Variants in PHLDB3 observed in about 807,000 individuals in gnomAD.
PHLDB3 encodes the protein pleckstrin homology-like domain family B member 3.
Under a neutral mutation model 85.7 loss-of-function variants are expected in PHLDB3, and 86 were observed. That is an observed-to-expected ratio of 1.00 (90% confidence interval 0.84 to 1.20). The LOEUF is 1.20. Among genes scored for constraint, PHLDB3 ranks in the 50% most tolerant of loss-of-function variants. The probability of loss-of-function intolerance (pLI) is 0.00; values close to 1 mark genes in which losing one functional copy is unlikely to be tolerated. For synonymous variants in PHLDB3, 376 were observed against 349.8 expected (o/e 1.07, Z -0.83); for missense variants, 995 against 873.0 (o/e 1.14, Z -1.76).
At position 43,501,551 on chromosome 19, in the gene PHLDB3, A is replaced by G. The variant is rs916660565; in HGVS notation, c.534+183T>C. 9 of 1,212,834 alleles carry G rather than the reference A, an allele frequency of 7.4e-6. No individual in the cohort carries two copies. In the East Asian group the frequency reaches 1.0e-4, roughly 14 times the overall value. 75.1% of individuals were successfully genotyped at this position (1,212,834 alleles called of 1,614,324 possible). On this transcript the variant is annotated intron_variant, in intron 4 of 15. Transcript: ENST00000292140. Reference sequence around the variant, plus strand: ...GACAGGGGACAAAGGAAGAGCCCCAAAAATCTCGCCCAGGGAGGGAGAAGG... The same window carrying G: ...GACAGGGGACAAAGGAAGAGCCCCAGAAATCTCGCCCAGGGAGGGAGAAGG...
intron 2 of PHLDB3, 31 bp downstream of exon 2, chr19:43,503,875 C>G: frequency 6.2e-7 from 1 of 1,612,100 alleles, no homozygotes; most frequent in East Asian, 2.2e-5. Flanking sequence ...TCGGTCCAAG[C>G]CCCCCGCGCT....
chr19:43,495,942 C>T (rs894260371), intron 6 of PHLDB3: 9 of 246,032 alleles, frequency 3.7e-5, no homozygotes, highest in African/African-American at 1.8e-4. Flanking sequence ...AGAGACAACC[C>T]GAGACGAAGG....
At chr19:43,501,588 G>C in intron 4 of PHLDB3, 146 bp downstream of exon 4, 1 of 1,400,484 alleles carries the variant, frequency 7.1e-7, no homozygotes, top group Non-Finnish European at 9.4e-7. Context: ...AAACCAGGAG[G>C]GGCATCTGCC....
In PHLDB3 at chr19:43,495,619, C is replaced by T; in HGVS notation, c.827G>A (p.Arg276Lys). Residue 276 changes from arginine to lysine, a missense_variant and splice_region_variant, in exon 7 of 16, where the codon AGG becomes AAG. By Grantham distance (26) the Arg-to-Lys change is conservative. Coordinates refer to ENST00000292140, the MANE Select transcript of PHLDB3 (RefSeq NM_198850.4). ...CCGGATCCGGTGCTGCAGAGCACCC[C>T]TCTGTCCCGGTTACTCATCTGTCAC... ...ELQASMAQHRRGALQHRIRVL... is the reference protein window; with the variant it reads ...ELQASMAQHRKGALQHRIRVL... 1 of 1,607,622 alleles carries T rather than the reference C, an allele frequency of 6.2e-7. No homozygotes were observed. Among genetic ancestry groups the T allele is most frequent in the Non-Finnish European group, 8.5e-7 (1 of 1,177,302 alleles).
intron 13 of PHLDB3, among the ~76,000 whole-genome samples, chr19:43,483,420 A>G (rs974864520): frequency 5.3e-5 from 8 of 151,908 alleles, no homozygotes; most frequent in African/African-American, 1.7e-4. Context: ...CTGGGACCAA[A>G]GGCATGCACC....
intron 9 of PHLDB3, among the ~76,000 whole-genome samples, chr19:43,489,305 T>G (rs996702095): frequency 6.6e-6 from 1 of 151,442 alleles, no homozygotes; most frequent in Non-Finnish European, 1.5e-5. Context: ...AGGTTGACCC[T>G]GCAGTGAGCC....
intron 13 of PHLDB3, among the ~76,000 whole-genome samples, chr19:43,484,275 G>GCCCCTCACAGGGGTATGATCCCGTTTAT (rs1971106364): frequency 6.9e-6 from 1 of 144,388 alleles, no homozygotes; most frequent in Non-Finnish European, 1.5e-5. Flanking sequence ...AAAAGGAAAA[G>GCCCCTCACAGGGGTATGATCCCGTTTAT]AAAAATAATA....
At chr19:43,481,807 GAAAGA>G (rs1443051766) in intron 13 of PHLDB3, among the ~76,000 whole-genome samples, 48 of 150,222 alleles carry the variant, frequency 3.2e-4, no homozygotes, top group African/African-American at 1.1e-3. Context: ...AAAAAAAAAA[GAAAGA>G]AAAGAAAGAA....
chr19:43,497,694 G>A (rs763738686), intron 5 of PHLDB3, 54 bp downstream of exon 5: 21 of 1,520,380 alleles, frequency 1.4e-5, no homozygotes, highest in Middle Eastern at 1.9e-4. Context: ...CCTGGGCAAC[G>A]AGGCGAGACT....
rs1022386936 is a variant in PHLDB3 at position 43,475,372 on chromosome 19, A to G, written c.*38T>C. 1.5e-5 allele frequency: 24 copies of G among 1,595,852 alleles called. No homozygotes were observed. The highest frequency in any genetic ancestry group is 2.7e-5 in the African/African-American group (2 of 74,278). ...ACGCCCCCGCGCCCCGCGCCGGCGGAGCCTCGAAGGGACTTCCCCCCAAGA... is the reference window on the plus strand; with the variant it reads ...ACGCCCCCGCGCCCCGCGCCGGCGGGGCCTCGAAGGGACTTCCCCCCAAGA... On this transcript the variant is annotated 3_prime_UTR_variant, in exon 16 of 16. Coordinates refer to ENST00000292140, the MANE Select transcript of PHLDB3 (RefSeq NM_198850.4).
chr19:43,502,974 C>T (rs1312464442), intron 2 of PHLDB3, among the ~76,000 whole-genome samples: 2 of 143,442 alleles, frequency 1.4e-5, no homozygotes, highest in Non-Finnish European at 3.0e-5. Flanking sequence ...ACCCCAGTCT[C>T]TCAGATTCGG....
chr19:43,485,298 C>G (rs1364995170), intron 13 of PHLDB3, among the ~76,000 whole-genome samples: 1 of 151,696 alleles, frequency 6.6e-6, no homozygotes, highest in Non-Finnish European at 1.5e-5. Flanking sequence ...CTGCAACCTG[C>G]ACCTCCCAGG....
chr19:43,477,641 C>G (rs1265947424), intron 15 of PHLDB3, among the ~76,000 whole-genome samples: 3 of 151,002 alleles, frequency 2.0e-5, no homozygotes, highest in African/African-American at 4.9e-5. Flanking sequence ...ACAGTGAAAC[C>G]CCGTCTCTAC....
At position 43,504,137 on chromosome 19, in the gene PHLDB3, G is replaced by C; in HGVS notation, c.-14-5C>G. On this transcript the variant is annotated splice_polypyrimidine_tract_variant and splice_region_variant and intron_variant, in intron 1 of 15. Transcript: ENST00000292140. Reference sequence around the variant, plus strand: ...TCCCCATGGCCGCTGGGACTCCTGCGGGGTGGGCGGGACCAGAAGCTCCGG... The same window carrying C: ...TCCCCATGGCCGCTGGGACTCCTGCCGGGTGGGCGGGACCAGAAGCTCCGG... The C allele has an allele frequency of 6.4e-7, 1 of 1,567,834 alleles. No homozygotes were observed. Among genetic ancestry groups the C allele is most frequent in the Non-Finnish European group, 8.6e-7 (1 of 1,158,586 alleles).
rs747312752 is a variant in PHLDB3 at position 43,486,814 on chromosome 19, G to C, written c.1306C>G (p.Leu436Val). Residue 436 changes from leucine (L) to valine (V), a missense_variant, in exon 11 of 16, where the codon CTC becomes GTC. By Grantham distance (32) the Leu-to-Val change is conservative (BLOSUM62 1). Transcript: ENST00000292140. ...CGGCCACAGTTCAGCAGCTGGTAGA[G>C]GGGGTATCTGCCGGAGTCCCCCACT... ...PAVGDSGRYP[L>V]YQLLNCGRGN... 1 of 1,591,864 alleles carries C rather than the reference G, an allele frequency of 6.3e-7. No homozygotes were observed. Among genetic ancestry groups the C allele is most frequent in the South Asian group, 1.1e-5 (1 of 87,530 alleles).
chr19:43,489,742 C>T (rs1395379262), intron 9 of PHLDB3, among the ~76,000 whole-genome samples: 1 of 151,908 alleles, frequency 6.6e-6, no homozygotes, highest in East Asian at 1.9e-4. Context: ...AACAGTGGCT[C>T]ATGCCTGTAA....
chr19:43,485,076 TAAA>T (rs1352161919), intron 13 of PHLDB3, among the ~76,000 whole-genome samples: 1 of 151,920 alleles, frequency 6.6e-6, no homozygotes, highest in Non-Finnish European at 1.5e-5. Context: ...ATTAAAATGT[TAAA>T]TAAAATAAAT....
rs758032268 is a variant in PHLDB3 at position 43,486,862 on chromosome 19, C to T, written c.1258G>A (p.Glu420Lys). ...PLSFHCTESL[E>K]ASALPPAVGD... is the part of the protein sequence containing the mutation. ...ACTGCTGGCGGGAGAGCTGAGGCCT[C>T]CAGGGATTCTAGGGTAGAGGGGACC... The change falls in exon 11 of 16, where the codon GAG (glutamate) becomes AAG (lysine). Residue 420 changes from glutamate to lysine, a missense_variant. By Grantham distance (56) the Glu-to-Lys change is moderately conservative. Transcript: ENST00000292140. 8.3e-6 allele frequency: 13 copies of T among 1,560,068 alleles called. No homozygotes were observed. In the East Asian group the frequency reaches 2.9e-4, roughly 35 times the overall value.
rs1971625149 is a variant in PHLDB3, at chr19:43,502,257, C to T, written c.240G>A (p.Met80Ile). 4 of 1,564,064 alleles carry T rather than the reference C, an allele frequency of 2.6e-6. No homozygotes were observed. Among genetic ancestry groups the T allele is most frequent in the Non-Finnish European group, 3.5e-6 (4 of 1,157,744 alleles). Residue 80 changes from methionine to isoleucine, a missense_variant, in exon 3 of 16, where the codon ATG becomes ATA. Met to Ile is a conservative substitution (Grantham distance 10, BLOSUM62 1). Transcript: ENST00000292140. ...AGGTGGATGCGGGAGGTGTGGCCGC[C>T]ATAGCTATCGGAGGCGTAGCCTCGG... The part of the protein sequence containing the change: ...DAPEATPPIA[M>I]AATPPASTSS...
Sources: gnomAD v4.1 joint callset for allele counts (sites outside exome capture counted in the v4.1 genomes callset) on GRCh38, gnomAD v4.1.1 for gene constraint, MANE v1.5 for transcripts, NCBI Gene and HGNC (gene_info 2026-07-23, HGNC 2026-07-21) for gene names.